Variants in TARS3 observed in about 807,000 individuals in gnomAD.
TARS3 encodes threonyl-tRNA synthetase 3, also known as threonine--tRNA ligase 2, cytoplasmic.
TARS3 carries 94 observed loss-of-function variants against 103.5 expected under a neutral mutation model. That is an observed-to-expected ratio of 0.91 (90% CI 0.77 to 1.08). The LOEUF (loss-of-function observed/expected upper bound fraction) is 1.08, where lower values mean the gene tolerates loss of function less well. TARS3 is among the 50% of genes least tolerant of loss of function. The probability of loss-of-function intolerance (pLI) is 0.00; values close to 1 mark genes in which losing one functional copy is unlikely to be tolerated. For synonymous variants in TARS3, 416 were observed against 355.4 expected, an observed-to-expected ratio of 1.17 and a Z score of -1.92; for missense variants, 952 against 995.2, an observed-to-expected ratio of 0.96 and a Z score of 0.58.
chr15:101,670,014 T>A (rs1169522649), intron 15 of TARS3, among the ~76,000 whole-genome samples: 1 of 152,226 alleles, frequency 6.6e-6, no homozygotes, highest in African/African-American at 2.4e-5. Context: ...AAATGTCACA[T>A]CTTACACAAA....
intron 7 of TARS3, among the ~76,000 whole-genome samples, chr15:101,705,346 G>A (rs746093746): frequency 4.6e-5 from 7 of 152,154 alleles, no homozygotes; most frequent in African/African-American, 9.7e-5. Flanking sequence ...AATCACTGCC[G>A]AGGAGATGGC....
intron 18 of TARS3, 32 bp downstream of exon 18, chr15:101,656,890 C>T: frequency 7.1e-7 from 1 of 1,412,940 alleles, no homozygotes; most frequent in Admixed American, 2.0e-5. Flanking sequence ...GAAAAAAAAG[C>T]ATTTGGAAAA....
At chr15:101,669,279 TAAAG>T (rs1490272931) in intron 15 of TARS3, among the ~76,000 whole-genome samples, 1 of 152,162 alleles carries the variant, frequency 6.6e-6, no homozygotes, top group Admixed American at 6.5e-5. Context: ...AATAAAGAGA[TAAAG>T]AAAATATTTT....
At chr15:101,716,291 A>G (rs1311984465) in intron 3 of TARS3, among the ~76,000 whole-genome samples, 1 of 152,172 alleles carries the variant, frequency 6.6e-6, no homozygotes, top group African/African-American at 2.4e-5. Context: ...TTTAAATAAC[A>G]TTTATTGTTT....
intron 11 of TARS3, among the ~76,000 whole-genome samples, chr15:101,685,340 G>A (rs1378526176): frequency 6.6e-6 from 1 of 152,140 alleles, no homozygotes. Flanking sequence ...ATCAAAGACA[G>A]CATTGATTGT....
In TARS3 at chr15:101,678,653, C is replaced by T. The variant is rs1898130514; in HGVS notation, c.1651-2916G>A. On this transcript the variant is annotated intron_variant, in intron 12 of 18. Transcript: ENST00000335968. ...TTTTCTTAAACATTTCTTCTACATACATTTAGAACATCAGAAAGAACATGT... is the reference window on the plus strand; with the variant it reads ...TTTTCTTAAACATTTCTTCTACATATATTTAGAACATCAGAAAGAACATGT... Among the ~76,000 whole-genome samples the T allele has an allele frequency of 2.0e-5, 3 of 152,198 alleles. No individual in the cohort carries two copies. In the South Asian group the frequency reaches 6.2e-4, roughly 32 times the overall value.
At chr15:101,655,934 A>T (rs1897184544) in intron 18 of TARS3, 1 of 1,289,128 alleles carries the variant, frequency 7.8e-7, no homozygotes, top group African/African-American at 1.5e-5. Flanking sequence ...TGTGGGTAAA[A>T]AGTTTGTTCT....
At chr15:101,698,273 C>T (rs569012663) in intron 10 of TARS3, among the ~76,000 whole-genome samples, 19 of 152,120 alleles carry the variant, frequency 1.2e-4, no homozygotes, top group African/African-American at 4.3e-4. Flanking sequence ...CAGGAGGTTG[C>T]AGTGAGCTGA....
chr15:101,701,538 G>A (rs922400654), intron 9 of TARS3, among the ~76,000 whole-genome samples: 4 of 152,176 alleles, frequency 2.6e-5, no homozygotes, highest in Non-Finnish European at 4.4e-5. Context: ...GCTGCCTACT[G>A]AGAGCCTATC....
chr15:101,723,920 C>G (rs556355652), intron 1 of TARS3, among the ~76,000 whole-genome samples, 171 bp downstream of exon 1: 1 of 149,974 alleles, frequency 6.7e-6, no homozygotes, highest in South Asian at 2.2e-4. Flanking sequence ...CGGCGGCTCC[C>G]CAGGCCACAC....
intron 15 of TARS3, chr15:101,664,573 C>T (rs1460030797): frequency 1.3e-5 from 2 of 152,144 alleles, no homozygotes; most frequent in Non-Finnish European, 2.9e-5. Context: ...TGAACTGACA[C>T]CGAACCGCAG....
intron 12 of TARS3, among the ~76,000 whole-genome samples, chr15:101,677,698 A>G (rs568752996): frequency 2.2e-4 from 33 of 151,870 alleles, no homozygotes; most frequent in African/African-American, 7.2e-4. Context: ...GGGTTTCTCC[A>G]TGTTAGTCAG....
chr15:101,674,705 C>T (rs570732455), intron 13 of TARS3, among the ~76,000 whole-genome samples: 1 of 151,598 alleles, frequency 6.6e-6, no homozygotes, highest in Non-Finnish European at 1.5e-5. Flanking sequence ...ACTCGGGACG[C>T]TGAGGAGGAG....
At chr15:101,674,118 T>G (rs1421144685) in intron 13 of TARS3, among the ~76,000 whole-genome samples, 1 of 152,276 alleles carries the variant, frequency 6.6e-6, no homozygotes, top group Non-Finnish European at 1.5e-5. Flanking sequence ...ACCTGGGATG[T>G]GAACCGTCCT....
chr15:101,712,039 A>T, intron 4 of TARS3, 38 bp from the exon 5 acceptor site: 1 of 1,579,310 alleles, frequency 6.3e-7, no homozygotes, highest in Non-Finnish European at 8.6e-7. Flanking sequence ...AGCTACCAAA[A>T]GTATGTCATG....
At chr15:101,723,034 T>C in intron 2 of TARS3, 59 bp downstream of exon 2, 2 of 1,409,542 alleles carry the variant, frequency 1.4e-6, no homozygotes, top group Non-Finnish European at 2.0e-6. Flanking sequence ...TAATTAACTA[T>C]ATACACATAT....
At chr15:101,722,526 A>G (rs1900527306) in intron 2 of TARS3, among the ~76,000 whole-genome samples, 1 of 136,334 alleles carries the variant, frequency 7.3e-6, no homozygotes, top group Admixed American at 7.4e-5. Context: ...AAAAAAAAAG[A>G]CCGGGGGCGG....
At chr15:101,715,397 C>T (rs993817708) in intron 3 of TARS3, among the ~76,000 whole-genome samples, 7 of 152,154 alleles carry the variant, frequency 4.6e-5, no homozygotes, top group South Asian at 2.1e-4. Context: ...CCGCCCGCCT[C>T]GGCCTCCCAA....
At chr15:101,685,778 G>C (rs1277114728) in intron 11 of TARS3, 118 bp downstream of exon 11, 1 of 753,062 alleles carries the variant, frequency 1.3e-6, no homozygotes, top group Non-Finnish European at 2.0e-6. Flanking sequence ...GTAAAAATTA[G>C]TAATCACCAC....
Sources: gnomAD v4.1 joint callset for allele counts (sites outside exome capture counted in the v4.1 genomes callset) on GRCh38, gnomAD v4.1.1 for gene constraint, MANE v1.5 for transcripts, NCBI Gene and HGNC (gene_info 2026-07-23, HGNC 2026-07-21) for gene names.